The following ANKRD30A variants were observed in gnomAD, a reference collection of about 807,000 sequenced individuals.
ANKRD30A encodes the protein ankyrin repeat domain-containing protein 30A.
Under a neutral mutation model 166.3 loss-of-function variants are expected in ANKRD30A, and 170 were observed. The ratio of observed to expected loss-of-function variants is 1.02; its 90% CI spans 0.90 to 1.16. The LOEUF is 1.16. Ranked by LOEUF, ANKRD30A falls within the 50% of genes most tolerant of loss-of-function variation. The probability of loss-of-function intolerance (pLI) is 0.00; values close to 1 mark genes in which losing one functional copy is unlikely to be tolerated. For missense variants in ANKRD30A, 1,630 were observed against 1,518.0 expected (o/e 1.07, Z -1.23); for synonymous variants, 564 against 508.9 (o/e 1.11, Z -1.46).
chr10:37,252,749 G>T, the ANKRD30A span, among the ~76,000 whole-genome samples: 1 of 151,696 alleles, frequency 6.6e-6, no homozygotes, highest in Non-Finnish European at 1.5e-5. Flanking sequence ...ACCTCATCTG[G>T]AATATGCACT....
chr10:37,215,550 T>C (rs1237883319), intron 31 of ANKRD30A, among the ~76,000 whole-genome samples: 2 of 151,468 alleles, frequency 1.3e-5, no homozygotes, highest in African/African-American at 4.8e-5. Context: ...CCTCAGTTTT[T>C]TCTTCCTGTG....
the ANKRD30A span, among the ~76,000 whole-genome samples, chr10:37,265,412 T>C: frequency 6.6e-6 from 1 of 152,144 alleles, no homozygotes; most frequent in East Asian, 1.9e-4. Flanking sequence ...AAAAACAGGC[T>C]GCTGGGCCCT....
At chr10:37,165,766 C>T (rs1356650534) in intron 18 of ANKRD30A, among the ~76,000 whole-genome samples, 1 of 151,856 alleles carries the variant, frequency 6.6e-6, no homozygotes, top group Non-Finnish European at 1.5e-5. Flanking sequence ...TCCTTGAGTC[C>T]CCTTATGGCA....
intron 31 of ANKRD30A, among the ~76,000 whole-genome samples, chr10:37,212,682 T>C (rs1216732733): frequency 6.6e-6 from 1 of 151,896 alleles, no homozygotes; most frequent in Non-Finnish European, 1.5e-5. Context: ...TATAGACCAA[T>C]GGAATAGAAC....
At position 37,162,775 on chromosome 10, in the gene ANKRD30A, G is replaced by T. The variant is rs749814708; in HGVS notation, c.1930-1G>T. ...ATCATTTTGCTTCCAACCCCATTTA[G>T]CCTGCCACTGAAATGCAAAAGTCTG... On this transcript the variant is annotated splice_acceptor_variant, in intron 16 of 35. Transcript: ENST00000361713. LOFTEE classifies it high-confidence loss of function. 5 of 1,613,532 alleles carry T rather than the reference G, an allele frequency of 3.1e-6. No individual in the cohort carries two copies. In the African/African-American group the frequency reaches 4.0e-5, roughly 13 times the overall value.
intron 31 of ANKRD30A, among the ~76,000 whole-genome samples, chr10:37,211,282 C>T (rs1842298926): frequency 6.6e-6 from 1 of 151,796 alleles, no homozygotes; most frequent in Non-Finnish European, 1.5e-5. Context: ...CTAATGCTAT[C>T]CCTCCCCCAC....
At chr10:37,167,434 C>T (rs2384699) in intron 19 of ANKRD30A, among the ~76,000 whole-genome samples, 126 of 148,706 alleles carry the variant, frequency 8.5e-4, no homozygotes, top group East Asian at 2.5e-3. Context: ...ACCTCATTAG[C>T]AAATAACATG....
chr10:37,234,885 A>G (rs1183429351), downstream of ANKRD30A, among the ~76,000 whole-genome samples: 2 of 152,150 alleles, frequency 1.3e-5, no homozygotes, highest in Non-Finnish European at 2.9e-5. Flanking sequence ...AAGTTGTGCC[A>G]CATGGTGGAA....
At chr10:37,199,624 G>T (rs1296748722) in intron 29 of ANKRD30A, 103 bp from the exon 30 acceptor site, 4 of 671,590 alleles carry the variant, frequency 6.0e-6, no homozygotes, top group Admixed American at 2.7e-5. Flanking sequence ...GGGCTACAGA[G>T]GAGGAACCAC....
In ANKRD30A at chr10:37,199,744, G is replaced by T. The variant is rs1841468292; in HGVS notation, c.2734G>T (p.Glu912Ter). 1.3e-6 allele frequency: 2 copies of T among 1,579,578 alleles called. No individual in the cohort carries two copies. The highest frequency in any genetic ancestry group is 2.2e-5 in the South Asian group (2 of 89,214). The part of the protein sequence containing the change: ...TLRADQMFPS[E>*]SKQKKVEENS... ...TTTTATAGATCAGATGTTCCCTTCAGAATCAAAACAAAAGAAGGTTGAAGA... is the reference window on the plus strand; with the variant it reads ...TTTTATAGATCAGATGTTCCCTTCATAATCAAAACAAAAGAAGGTTGAAGA... The change falls in exon 30 of 36, where the codon GAA becomes TAA. Residue 912 changes from glutamate to a stop codon, truncating the protein, a stop_gained. Coordinates refer to ENST00000361713, the MANE Select transcript of ANKRD30A (RefSeq NM_052997.3). LOFTEE classifies it high-confidence loss of function.
At chr10:37,265,695 T>C in the ANKRD30A span, among the ~76,000 whole-genome samples, 1 of 152,212 alleles carries the variant, frequency 6.6e-6, no homozygotes, top group African/African-American at 2.4e-5. Flanking sequence ...CACTGGTGTT[T>C]CCACCGACGT....
intron 32 of ANKRD30A, 53 bp downstream of exon 32, chr10:37,216,447 G>T (rs878860747): frequency 6.7e-7 from 1 of 1,483,194 alleles, no homozygotes; most frequent in Admixed American, 2.2e-5. Context: ...CTAAAACTAC[G>T]TAGGATACTT....
At position 37,195,668 on chromosome 10, in the gene ANKRD30A, A is replaced by G. The variant is rs7912368; in HGVS notation, c.2615-1613A>G. Among the ~76,000 whole-genome samples the G allele has an allele frequency of 1.6e-3, 246 of 152,310 alleles. 1 individual carries two copies. Among genetic ancestry groups the G allele is most frequent in the African/African-American group, 4.8e-3 (200 of 41,554 alleles). On this transcript the variant is annotated intron_variant, in intron 27 of 35. Coordinates refer to ENST00000361713, the MANE Select transcript of ANKRD30A (RefSeq NM_052997.3). Reference sequence around the variant, plus strand: ...CCAGCACGTTGGGAGGCCGTGACTGACAGATCACTAGGTGAGGAGATCGAG... The same window carrying G: ...CCAGCACGTTGGGAGGCCGTGACTGGCAGATCACTAGGTGAGGAGATCGAG...
chr10:37,125,898 G>T lies in ANKRD30A; in HGVS notation c.111G>T (p.Gly37=), dbSNP rs188769974. ...TSNDSYIVHS[G]DLRKIHKAAS... is the part of the protein sequence containing the mutation. ...ACGACTCCTACATCGTCCACTCTGG[G>T]GATCTTAGAAAGATCCATAAAGCTG... The change falls in exon 1 of 36, where the codon GGG becomes GGT. Residue 37 remains glycine, a synonymous_variant. Transcript: ENST00000361713. 4.5e-4 allele frequency: 713 copies of T among 1,587,436 alleles called. 2 individuals are homozygous for T. In the Middle Eastern group the frequency reaches 0.01, roughly 23 times the overall value.
intron 19 of ANKRD30A, 121 bp downstream of exon 19, chr10:37,166,816 G>A: frequency 1.4e-6 from 2 of 1,409,194 alleles, no homozygotes; most frequent in South Asian, 2.7e-5. Flanking sequence ...GAAAAAAAGA[G>A]AAGTGCAATG....
rs187811608 is a variant in ANKRD30A at position 37,194,466 on chromosome 10, G to A, written c.2614+1208G>A. On this transcript the variant is annotated intron_variant, in intron 27 of 35. Transcript: ENST00000361713. ...CGCCATTCTCCTGCCTCAGCCTCCC[G>A]AGTAGCTGGGACTCCAGGCGCGTGC... Among the ~76,000 whole-genome samples, 88 of 151,778 alleles carry A rather than the reference G, an allele frequency of 5.8e-4. 1 individual carries two copies. In the East Asian group the frequency reaches 0.014, roughly 25 times the overall value.
chr10:37,133,862 A>G (rs1836518098), intron 4 of ANKRD30A, 54 bp from the exon 5 acceptor site: 1 of 1,585,662 alleles, frequency 6.3e-7, no homozygotes, highest in Admixed American at 1.7e-5. Context: ...AATGACAGGC[A>G]CATATTAAAT....
intron 34 of ANKRD30A, among the ~76,000 whole-genome samples, chr10:37,225,821 T>A (rs544049235): frequency 1.3e-5 from 2 of 151,842 alleles, no homozygotes; most frequent in Non-Finnish European, 2.9e-5. Flanking sequence ...TGAGATATAA[T>A]TAACATGCCA....
At chr10:37,126,389 A>G (rs1375691763) in intron 1 of ANKRD30A, among the ~76,000 whole-genome samples, 1 of 152,260 alleles carries the variant, frequency 6.6e-6, no homozygotes, top group East Asian at 1.9e-4. Flanking sequence ...TGTTAGATAC[A>G]TTATGAAATG....
Sources: gnomAD v4.1 joint callset for allele counts (sites outside exome capture counted in the v4.1 genomes callset) on GRCh38, gnomAD v4.1.1 for gene constraint, MANE v1.5 for transcripts, NCBI Gene and HGNC (gene_info 2026-07-23, HGNC 2026-07-21) for gene names.